KLHL1: variants seen among roughly 807,000 people sequenced by gnomAD.
KLHL1 encodes the protein kelch like family member 1.
KLHL1 carries 47 observed loss-of-function variants against 77.7 expected under a neutral mutation model. The ratio of observed to expected loss-of-function variants is 0.60; its 90% CI spans 0.48 to 0.77. The LOEUF (loss-of-function observed/expected upper bound fraction) is 0.77, where lower values mean the gene tolerates loss of function less well. Among genes scored for constraint, KLHL1 ranks in the 30% least tolerant of loss-of-function variants. The pLI is 0.00. For synonymous variants in KLHL1, 360 were observed against 325.2 expected (o/e 1.11, Z -1.15); for missense variants, 925 against 910.8 (o/e 1.02, Z -0.20).
chr13:69,823,715 G>A (rs956243706), intron 6 of KLHL1, among the ~76,000 whole-genome samples: 3 of 151,906 alleles, frequency 2.0e-5, no homozygotes, highest in African/African-American at 7.2e-5. Flanking sequence ...ACACTACATG[G>A]ATACTGGGAC....
chr13:70,027,652 G>GTTTTTTTTTTTTTT (rs10667717), intron 1 of KLHL1, among the ~76,000 whole-genome samples: 9 of 135,846 alleles, frequency 6.6e-5, no homozygotes, highest in East Asian at 2.2e-4. Context: ...AATGTAAGTT[G>GTTTTTTTTTTTTTT]TTTTTTTTTT....
At chr13:70,015,765 G>C (rs1040795600) in intron 1 of KLHL1, among the ~76,000 whole-genome samples, 2 of 152,098 alleles carry the variant, frequency 1.3e-5, no homozygotes, top group Non-Finnish European at 2.9e-5. Flanking sequence ...TTCAACTTAT[G>C]ATATTTCAAA....
chr13:69,769,906 G>A (rs1875480848), intron 7 of KLHL1, among the ~76,000 whole-genome samples: 1 of 152,112 alleles, frequency 6.6e-6, no homozygotes. Context: ...ATTCTTAGCT[G>A]GCTTGCCAAG....
In KLHL1 at chr13:69,751,112, ATGTGTGTG is replaced by A. The variant is rs56689981; in HGVS notation, c.1640-10564_1640-10557del. 5.9e-3 allele frequency among the ~76,000 whole-genome samples: 832 copies of A among 141,168 alleles called. 7 individuals carry two copies. The highest frequency in any genetic ancestry group is 0.02 in the African/African-American group (772 of 38,502). The allele number at this position is 141,168 out of a possible 152,430, so 92.6% of individuals were successfully genotyped here. A position where few individuals can be genotyped will look rare whatever the true frequency, so the allele number is the denominator to read the frequency against. On this transcript the variant is annotated intron_variant, in intron 7 of 10. Coordinates refer to ENST00000377844, the MANE Select transcript of KLHL1 (RefSeq NM_020866.3). ...TATCTTTCATTCATGTCATGTGTGT[ATGTGTGTG>A]TGTGTGTGTGTGTGTGTGTGTGTGT... is the stretch of plus-strand genomic sequence containing the variant.
intron 3 of KLHL1, among the ~76,000 whole-genome samples, chr13:69,957,930 C>A (rs906279019): frequency 6.6e-6 from 1 of 151,708 alleles, no homozygotes; most frequent in Non-Finnish European, 1.5e-5. Context: ...AATTTTCTTT[C>A]CATTTCTGTG....
intron 1 of KLHL1, among the ~76,000 whole-genome samples, chr13:70,097,878 T>C (rs1887830514): frequency 7.9e-6 from 1 of 126,746 alleles, no homozygotes; most frequent in South Asian, 3.2e-4. Context: ...AGTGTTTGAT[T>C]TCCTTTCTGT....
intron 1 of KLHL1, among the ~76,000 whole-genome samples, chr13:70,057,093 T>TA (rs1387108047): frequency 2.6e-5 from 4 of 151,920 alleles, no homozygotes; most frequent in South Asian, 2.1e-4. Flanking sequence ...AAATTAGAGA[T>TA]AAAAAAACAT....
At chr13:70,010,990 T>C (rs544641719) in intron 1 of KLHL1, among the ~76,000 whole-genome samples, 1 of 152,194 alleles carries the variant, frequency 6.6e-6, no homozygotes, top group Non-Finnish European at 1.5e-5. Context: ...TGGATAAACA[T>C]TCTTGAGTTC....
intron 1 of KLHL1, among the ~76,000 whole-genome samples, chr13:70,018,845 T>C (rs1446356896): frequency 1.3e-5 from 2 of 152,112 alleles, no homozygotes; most frequent in Non-Finnish European, 2.9e-5. Flanking sequence ...ATGTAAAGTA[T>C]AGGAAAACAT....
At chr13:69,910,947 A>G (rs1244331670) in intron 4 of KLHL1, among the ~76,000 whole-genome samples, 3 of 152,078 alleles carry the variant, frequency 2.0e-5, no homozygotes, top group Non-Finnish European at 4.4e-5. Context: ...CCATTGTACA[A>G]CATTTATTTA....
chr13:70,047,798 C>T (rs1886539084), intron 1 of KLHL1, among the ~76,000 whole-genome samples: 1 of 152,062 alleles, frequency 6.6e-6, no homozygotes, highest in Non-Finnish European at 1.5e-5. Flanking sequence ...TTGTTCTCTA[C>T]CTGCTTCTAA....
intron 5 of KLHL1, among the ~76,000 whole-genome samples, chr13:69,855,341 T>TAGAC (rs1879855788): frequency 5.0e-5 from 3 of 60,050 alleles, no homozygotes; most frequent in Admixed American, 1.7e-4. Context: ...GATAGATAGA[T>TAGAC]AGATAGACAG....
intron 8 of KLHL1, among the ~76,000 whole-genome samples, chr13:69,728,252 A>AGGC (rs1385889139): frequency 2.6e-5 from 4 of 152,130 alleles, no homozygotes; most frequent in Admixed American, 1.3e-4. Flanking sequence ...GAGTGTTGGA[A>AGGC]GGCACTATGC....
chr13:70,006,463 T>A (rs1885406599), intron 1 of KLHL1, among the ~76,000 whole-genome samples: 1 of 151,886 alleles, frequency 6.6e-6, no homozygotes, highest in South Asian at 2.1e-4. Context: ...GACTTTAGAT[T>A]TTGCTTTACT....
At chr13:69,712,535 C>G (rs1040501547) in intron 9 of KLHL1, among the ~76,000 whole-genome samples, 3 of 151,816 alleles carry the variant, frequency 2.0e-5, no homozygotes, top group African/African-American at 7.3e-5. Context: ...TTCCATTTGT[C>G]TATTTATTTA....
At chr13:69,988,819 GTGTGTGTTTA>G (rs1218977536) in intron 1 of KLHL1, among the ~76,000 whole-genome samples, 1 of 151,816 alleles carries the variant, frequency 6.6e-6, no homozygotes, top group Non-Finnish European at 1.5e-5. Context: ...TGATTTTTGT[GTGTGTGTTTA>G]TGTTCCTTAT....
chr13:69,943,315 A>G (rs906980535), intron 3 of KLHL1, among the ~76,000 whole-genome samples: 4 of 152,018 alleles, frequency 2.6e-5, no homozygotes, highest in Non-Finnish European at 5.9e-5. Context: ...AACATGGTTA[A>G]TAGATAAAAA....
chr13:70,092,895 A>G (rs1263850359), intron 1 of KLHL1, among the ~76,000 whole-genome samples: 1 of 152,180 alleles, frequency 6.6e-6, no homozygotes, highest in African/African-American at 2.4e-5. Context: ...AGTATTGAAC[A>G]GCGCAGCCAT....
chr13:69,799,809 G>T (rs1378943481), intron 6 of KLHL1, among the ~76,000 whole-genome samples: 2 of 152,122 alleles, frequency 1.3e-5, no homozygotes, highest in Non-Finnish European at 2.9e-5. Flanking sequence ...CCAGGACGTG[G>T]ACCAGTAATG....
Sources: gnomAD v4.1 joint callset for allele counts (sites outside exome capture counted in the v4.1 genomes callset) on GRCh38, gnomAD v4.1.1 for gene constraint, MANE v1.5 for transcripts, NCBI Gene and HGNC (gene_info 2026-07-23, HGNC 2026-07-21) for gene names.